The following EPHB1 variants were observed in gnomAD, a reference collection of about 807,000 sequenced individuals.
EPHB1 encodes EPH receptor B1, also known as ephrin type-B receptor 1.
EPHB1 carries 30 observed loss-of-function variants against 94.4 expected under a neutral mutation model. That is an observed-to-expected ratio of 0.32 (90% CI 0.24 to 0.43). EPHB1 has a LOEUF of 0.43. EPHB1 is among the 20% of genes least tolerant of loss of function. The pLI is 1.00. For synonymous variants in EPHB1, 522 were observed against 489.1 expected (o/e 1.07, Z -0.89); for missense variants, 1,055 against 1,308.3 (o/e 0.81, Z 2.99).
Position 135,241,163 on chromosome 3 carries a change from G to A in EPHB1, c.2362G>A (p.Val788Met). The part of the protein sequence containing the change: ...YTSSLGGKIP[V>M]RWTAPEAIAY... ...CTTCTTTCAGGGAGGGAAGATCCCT[G>A]TGAGATGGACAGCTCCAGAGGCCAT... The change falls in exon 13 of 16, where the codon GTG becomes ATG. Residue 788 changes from valine to methionine, a missense_variant. Physicochemically the swap from Val to Met is conservative, Grantham distance 21 (BLOSUM62 1). Transcript: ENST00000398015. The A allele has an allele frequency of 6.2e-7, 1 of 1,614,220 alleles. No homozygotes were observed. Among genetic ancestry groups the A allele is most frequent in the Non-Finnish European group, 8.5e-7 (1 of 1,180,042 alleles).
rs1000814334 is a variant in EPHB1 at position 134,864,921 on chromosome 3, G to A, written c.59-60895G>A. On this transcript the variant is annotated intron_variant, in intron 1 of 15. Transcript: ENST00000398015. Reference sequence around the variant, plus strand: ...CCACAGACCTGGAGTCCCTGAATGGGCCTCTAAGAGGTCAGGGAACTGAGA... The same window carrying A: ...CCACAGACCTGGAGTCCCTGAATGGACCTCTAAGAGGTCAGGGAACTGAGA... Among the ~76,000 whole-genome samples the A allele has an allele frequency of 3.3e-5, 5 of 152,326 alleles. No homozygotes were observed. In the East Asian group the frequency reaches 9.6e-4, roughly 29 times the overall value.
At chr3:134,841,072 C>T (rs961025020) in intron 1 of EPHB1, among the ~76,000 whole-genome samples, 1 of 152,202 alleles carries the variant, frequency 6.6e-6, no homozygotes, top group African/African-American at 2.4e-5. Flanking sequence ...TCAGAGCCCC[C>T]TTCCTCAGCT....
At position 135,100,093 on chromosome 3, in the gene EPHB1, G is replaced by A. The variant is rs185920233; in HGVS notation, c.806-6355G>A. Among the ~76,000 whole-genome samples, 11 of 152,284 alleles carry A rather than the reference G, an allele frequency of 7.2e-5. No homozygotes were observed. In the East Asian group the frequency reaches 1.5e-3, roughly 21 times the overall value. On this transcript the variant is annotated intron_variant, in intron 3 of 15. Transcript: ENST00000398015. ...TGGGGAAAAAAATAGATCAGAAGAA[G>A]TAATCAGATTATTAAAAAGAAAGAG...
At chr3:135,050,881 C>A (rs548866907) in intron 3 of EPHB1, among the ~76,000 whole-genome samples, 7 of 151,690 alleles carry the variant, frequency 4.6e-5, no homozygotes, top group African/African-American at 1.7e-4. Flanking sequence ...TCCTGTACAG[C>A]CTGCAGAATC....
chr3:135,171,600 C>T (rs543352175), intron 9 of EPHB1, among the ~76,000 whole-genome samples: 1 of 152,248 alleles, frequency 6.6e-6, no homozygotes, highest in African/African-American at 2.4e-5. Context: ...TCTGGAATCT[C>T]ATGTTTAGGT....
rs542764348 is a variant in EPHB1, at chr3:135,075,580, A to T, written c.806-30868A>T. On this transcript the variant is annotated intron_variant, in intron 3 of 15. Coordinates refer to ENST00000398015, the MANE Select transcript of EPHB1 (RefSeq NM_004441.5). ...ACTAGCTGCCAACAGCTAGGAGCTGATGGGCTTTGTGCTTCTTCAGGAATA... is the reference window on the plus strand; with the variant it reads ...ACTAGCTGCCAACAGCTAGGAGCTGTTGGGCTTTGTGCTTCTTCAGGAATA... Among the ~76,000 whole-genome samples, 6 of 152,220 alleles carry T rather than the reference A, an allele frequency of 3.9e-5. No individual in the cohort carries two copies. In the East Asian group the frequency reaches 1.2e-3, roughly 29 times the overall value.
chr3:135,259,007 C>T lies in EPHB1; in HGVS notation c.2847-5C>T. 1 of 1,600,186 alleles carries T rather than the reference C, an allele frequency of 6.2e-7. No individual in the cohort carries two copies. ...GTGACTTCTTTTCTGGCTCTTTCCTCCTAGAGACCTCCTGAGAATAGGCAT... is the reference window on the plus strand; with the variant it reads ...GTGACTTCTTTTCTGGCTCTTTCCTTCTAGAGACCTCCTGAGAATAGGCAT... On this transcript the variant is annotated splice_polypyrimidine_tract_variant and splice_region_variant and intron_variant, in intron 15 of 15. Coordinates refer to ENST00000398015, the MANE Select transcript of EPHB1 (RefSeq NM_004441.5).
At chr3:134,843,712 C>T (rs2036817852) in intron 1 of EPHB1, among the ~76,000 whole-genome samples, 1 of 152,028 alleles carries the variant, frequency 6.6e-6, no homozygotes. Flanking sequence ...TTCTTTTCAA[C>T]TCCATAATTT....
intron 1 of EPHB1, among the ~76,000 whole-genome samples, chr3:134,859,464 T>C (rs1252319981): frequency 1.3e-5 from 2 of 152,206 alleles, no homozygotes; most frequent in Non-Finnish European, 2.9e-5. Context: ...GGTCCTGATC[T>C]GGGTCCAGTG....
intron 3 of EPHB1, among the ~76,000 whole-genome samples, chr3:134,966,926 G>A (rs1933774127): frequency 6.6e-6 from 1 of 152,214 alleles, no homozygotes; most frequent in African/African-American, 2.4e-5. Context: ...TCATGCTCAA[G>A]AAGGTTCTGG....
intron 3 of EPHB1, among the ~76,000 whole-genome samples, chr3:135,087,728 C>G (rs1255522164): frequency 6.6e-6 from 1 of 152,074 alleles, no homozygotes; most frequent in Non-Finnish European, 1.5e-5. Context: ...TAGCAAAAAA[C>G]TTATATTCTA....
chr3:135,102,454 A>G (rs1939066804), intron 3 of EPHB1, among the ~76,000 whole-genome samples: 1 of 152,146 alleles, frequency 6.6e-6, no homozygotes, highest in South Asian at 2.1e-4. Context: ...TTATTTTTCT[A>G]TGTTAAATTT....
intron 11 of EPHB1, among the ~76,000 whole-genome samples, chr3:135,196,274 A>G (rs1297653789): frequency 2.0e-5 from 3 of 151,866 alleles, no homozygotes; most frequent in Non-Finnish European, 2.9e-5. Flanking sequence ...ATTTTCTCCC[A>G]TTTTGTAGGT....
At chr3:135,046,135 T>C (rs1280137247) in intron 3 of EPHB1, among the ~76,000 whole-genome samples, 1 of 152,180 alleles carries the variant, frequency 6.6e-6, no homozygotes, top group African/African-American at 2.4e-5. Flanking sequence ...TTTATGAAAA[T>C]AGTTATTTTT....
At chr3:134,948,636 A>G (rs900584938) in intron 2 of EPHB1, among the ~76,000 whole-genome samples, 6 of 152,266 alleles carry the variant, frequency 3.9e-5, no homozygotes, top group Non-Finnish European at 5.9e-5. Flanking sequence ...TGCAGGCCAC[A>G]GAGGTGAGAC....
chr3:134,949,025 GA>G (rs1487379368), intron 2 of EPHB1, among the ~76,000 whole-genome samples: 1 of 152,218 alleles, frequency 6.6e-6, no homozygotes, highest in Non-Finnish European at 1.5e-5. Context: ...TGGCATTGCA[GA>G]AAGTAGAGTG....
chr3:135,191,365 G>A (rs757405854), intron 10 of EPHB1, among the ~76,000 whole-genome samples: 2 of 152,130 alleles, frequency 1.3e-5, no homozygotes, highest in Non-Finnish European at 2.9e-5. Context: ...TTTGCAGCAA[G>A]AAAACAAAAG....
At chr3:135,180,592 C>T (rs963508602) in intron 10 of EPHB1, among the ~76,000 whole-genome samples, 3 of 152,214 alleles carry the variant, frequency 2.0e-5, no homozygotes, top group Non-Finnish European at 4.4e-5. Flanking sequence ...CCTCATCCAT[C>T]TTCCTGCACT....
At chr3:134,957,682 C>T (rs1422071319) in intron 3 of EPHB1, among the ~76,000 whole-genome samples, 1 of 152,142 alleles carries the variant, frequency 6.6e-6, no homozygotes, top group Non-Finnish European at 1.5e-5. Context: ...AACAAACATC[C>T]CTGCAGCTAG....
Sources: gnomAD v4.1 joint callset for allele counts (sites outside exome capture counted in the v4.1 genomes callset) on GRCh38, gnomAD v4.1.1 for gene constraint, MANE v1.5 for transcripts, NCBI Gene and HGNC (gene_info 2026-07-23, HGNC 2026-07-21) for gene names.